NCOR2: variants seen among roughly 807,000 people sequenced by gnomAD.
The protein encoded by NCOR2 is nuclear receptor corepressor 2.
NCOR2 carries 81 observed loss-of-function variants against 262.9 expected under a neutral mutation model. The observed-to-expected ratio is 0.31, with a 90% CI of 0.26 to 0.37. NCOR2 has a LOEUF of 0.37. NCOR2 is among the 10% of genes least tolerant of loss of function. The pLI, the probability that NCOR2 is intolerant of heterozygous loss-of-function variation, is 1.00. For missense variants in NCOR2, 3,385 were observed against 3,621.4 expected, an observed-to-expected ratio of 0.93 and a Z score of 1.68; for synonymous variants, 1,659 against 1,559.3, an observed-to-expected ratio of 1.06 and a Z score of -1.51.
chr12:124,465,257 G>A (rs1379777439), intron 5 of NCOR2, among the ~76,000 whole-genome samples: 4 of 152,198 alleles, frequency 2.6e-5, no homozygotes, highest in Non-Finnish European at 5.9e-5. Flanking sequence ...CCCTCTCTGG[G>A]CCTCAGTTTC....
intron 1 of NCOR2, among the ~76,000 whole-genome samples, chr12:124,519,611 G>A (rs1290920090): frequency 6.6e-6 from 1 of 152,208 alleles, no homozygotes; most frequent in Non-Finnish European, 1.5e-5. Flanking sequence ...TAGGAGTGGA[G>A]GGGAAGTGGT....
chr12:124,365,035 G>A (rs1330262668), intron 20 of NCOR2, among the ~76,000 whole-genome samples: 1 of 151,040 alleles, frequency 6.6e-6, no homozygotes, highest in African/African-American at 2.4e-5. Flanking sequence ...AGGTGGCCTG[G>A]CCTGCGTTTG....
At chr12:124,560,942 C>T (rs1305973246) in intron 1 of NCOR2, among the ~76,000 whole-genome samples, 1 of 152,164 alleles carries the variant, frequency 6.6e-6, no homozygotes, top group African/African-American at 2.4e-5. Context: ...CAAAAATGTT[C>T]ATCAAAGAAG....
upstream of NCOR2, among the ~76,000 whole-genome samples, chr12:124,495,936 G>A (rs1169224917): frequency 6.6e-6 from 1 of 152,162 alleles, no homozygotes; most frequent in African/African-American, 2.4e-5. The surrounding 1 kb of genome is among the most constrained non-coding windows in gnomAD (Gnocchi z 4.4). Flanking sequence ...TTAGCCAGAT[G>A]CAAACTAGGA....
chr12:124,337,148 G>T (rs1247879123), exon 38 of NCOR2: 1 of 1,520,400 alleles, frequency 6.6e-7, no homozygotes. Context: ...GAATGTGGCA[G>T]CCGGGCGAAC....
intron 1 of NCOR2, among the ~76,000 whole-genome samples, chr12:124,533,323 G>C (rs1354933030): frequency 1.3e-5 from 2 of 152,156 alleles, no homozygotes; most frequent in Admixed American, 1.3e-4. Context: ...CTGCCTCAGT[G>C]CTTTGGCAGG....
chr12:124,451,689 T>C (rs927040643), intron 6 of NCOR2, among the ~76,000 whole-genome samples: 2 of 152,036 alleles, frequency 1.3e-5, no homozygotes, highest in Admixed American at 6.6e-5. Context: ...GTACAGAGTG[T>C]GAGTGATCAG....
In NCOR2 at chr12:124,503,856, A is replaced by G. The variant is rs997680870; in HGVS notation, c.-117-8488T>C. Among the ~76,000 whole-genome samples, 1 of 152,060 alleles carries G rather than the reference A, an allele frequency of 6.6e-6. No homozygotes were observed. The highest frequency in any genetic ancestry group is 1.5e-5 in the Non-Finnish European group (1 of 68,014). On this transcript the variant is annotated intron_variant, in intron 1 of 46. Transcript: ENST00000404621. The surrounding 1 kb of genome is among the most constrained non-coding windows in gnomAD (Gnocchi z 4.3). ...ATTTTCCGGGTTTTTCTGGTCTTAC[A>G]TTTCTAACCAATCCCCAGGGCCAAG...
intron 1 of NCOR2, among the ~76,000 whole-genome samples, chr12:124,541,892 C>T (rs1451524611): frequency 6.5e-5 from 1 of 15,386 alleles, no homozygotes; most frequent in East Asian, 2.5e-3. Context: ...GAGTGGAGAG[C>T]TGGAGGGGGA....
At chr12:124,409,465 C>T (rs952119345) in intron 13 of NCOR2, among the ~76,000 whole-genome samples, 2 of 152,220 alleles carry the variant, frequency 1.3e-5, no homozygotes, top group Non-Finnish European at 1.5e-5. Flanking sequence ...TTGCGGCCAG[C>T]TCCCTATAAA....
chr12:124,349,133 AG>A (rs2037203938), intron 28 of NCOR2, among the ~76,000 whole-genome samples: 1 of 152,178 alleles, frequency 6.6e-6, no homozygotes, highest in South Asian at 2.1e-4. Context: ...GAGGGGTGGC[AG>A]GGGTGGCCTC....
In NCOR2 at chr12:124,432,983, C is replaced by T. The variant is rs778750963; in HGVS notation, c.883-2196G>A. ...TGATCTGGGAGCCTCCACAAACACC[C>T]ACTTGGTGCTTCGGTACAGTCAGAA... On this transcript the variant is annotated intron_variant, in intron 8 of 46. Transcript: ENST00000405201. This position sits in a 1 kb window ranked among gnomAD's most constrained non-coding sequence, Gnocchi z 5.1. Among the ~76,000 whole-genome samples, 1 of 152,186 alleles carries T rather than the reference C, an allele frequency of 6.6e-6. No homozygotes were observed. Among genetic ancestry groups the T allele is most frequent in the Non-Finnish European group, 1.5e-5 (1 of 68,020 alleles).
rs1164232439 is a variant in NCOR2 at position 124,501,062 on chromosome 12, G to GCACGCA, written c.-117-5695_-117-5694insTGCGTG. Reference sequence around the variant, plus strand: ...ACGGCACGAGCGCGCGCGCACGCGCGCACACACACACACACACACACACAC... The same window carrying GCACGCA: ...ACGGCACGAGCGCGCGCGCACGCGCGCACGCACACACACACACACACACACACACAC... On this transcript the variant is annotated intron_variant, in intron 1 of 46. Coordinates refer to the NCOR2 transcript ENST00000404621. Among the ~76,000 whole-genome samples the GCACGCA allele has an allele frequency of 9.2e-3, 1,360 of 147,816 alleles. 13 individuals are homozygous for GCACGCA. The highest frequency in any genetic ancestry group is 0.027 in the Middle Eastern group (8 of 292).
At chr12:124,402,166 G>C (rs2042018073) in intron 14 of NCOR2, among the ~76,000 whole-genome samples, 1 of 152,210 alleles carries the variant, frequency 6.6e-6, no homozygotes, top group Non-Finnish European at 1.5e-5. Flanking sequence ...AAAGTCTCCA[G>C]AGGGTTGGAG....
At chr12:124,419,996 G>A (rs1326473249) in exon 13 of NCOR2, 2 of 1,613,960 alleles carry the variant, frequency 1.2e-6, no homozygotes, top group South Asian at 1.1e-5. Flanking sequence ...GTCTCACCAG[G>A]CTCTTATAGT....
At chr12:124,492,121 C>T (rs1190083800) in intron 1 of NCOR2, among the ~76,000 whole-genome samples, 1 of 152,232 alleles carries the variant, frequency 6.6e-6, no homozygotes, top group African/African-American at 2.4e-5. Context: ...GAGGCAGCGG[C>T]TTCCACGGCC....
At chr12:124,552,144 A>G (rs1416314434) in intron 1 of NCOR2, among the ~76,000 whole-genome samples, 2 of 151,960 alleles carry the variant, frequency 1.3e-5, no homozygotes, top group African/African-American at 4.8e-5. Flanking sequence ...ACATAATGAC[A>G]CCTCATCTCT....
At chr12:124,355,205 C>T (rs2037855277) in intron 24 of NCOR2, 1 of 626,204 alleles carries the variant, frequency 1.6e-6, no homozygotes, top group Non-Finnish European at 2.7e-6. Context: ...TGAGGCCACA[C>T]AGCCTGGTTC....
At chr12:124,441,916 A>G (rs888285322) in intron 7 of NCOR2, among the ~76,000 whole-genome samples, 1 of 152,232 alleles carries the variant, frequency 6.6e-6, no homozygotes, top group African/African-American at 2.4e-5. Flanking sequence ...AGCCATGACC[A>G]GTGATCTTCA....
Sources: gnomAD v4.1 joint callset for allele counts (sites outside exome capture counted in the v4.1 genomes callset) on GRCh38, gnomAD v4.1.1 for gene constraint, Gnocchi (gnomAD v3.1) non-coding constraint, MANE v1.5 for transcripts, NCBI Gene and HGNC (gene_info 2026-07-23, HGNC 2026-07-21) for gene names.